Variants in PCDHGA5 observed in about 807,000 individuals in gnomAD.
PCDHGA5 encodes the protein protocadherin gamma-A5.
PCDHGA5 carries 36 observed loss-of-function variants against 56.7 expected under a neutral mutation model. The observed-to-expected ratio is 0.64, with a 90% CI of 0.49 to 0.84. The LOEUF (loss-of-function observed/expected upper bound fraction) is 0.84, where lower values mean the gene tolerates loss of function less well. Among genes scored for constraint, PCDHGA5 ranks in the 40% least tolerant of loss-of-function variants. The pLI, the probability that PCDHGA5 is intolerant of heterozygous loss-of-function variation, is 0.00. For synonymous variants in PCDHGA5, 563 were observed against 520.2 expected, an observed-to-expected ratio of 1.08 and a Z score of -1.12; for missense variants, 1,305 against 1,201.5, an observed-to-expected ratio of 1.09 and a Z score of -1.27.
rs1417059875 is a variant in PCDHGA5 at position 141,496,499 on chromosome 5, G to C, written c.2480+1634G>C. 2.6e-5 allele frequency among the ~76,000 whole-genome samples: 4 copies of C among 152,102 alleles called. No individual in the cohort carries two copies. In the East Asian group the frequency reaches 7.7e-4, roughly 29 times the overall value. On this transcript the variant is annotated intron_variant, in intron 2 of 3. Coordinates refer to ENST00000518069, the MANE Select transcript of PCDHGA5 (RefSeq NM_018918.3). ...TCCTGCAACCAACCAAACCCTTGTT[G>C]CCACAAGGACCCAGGAGCCCTTGGT...
chr5:141,401,830 T>C (rs950842785), intron 1 of PCDHGA5, among the ~76,000 whole-genome samples: 4 of 152,216 alleles, frequency 2.6e-5, no homozygotes, highest in Admixed American at 1.3e-4. Context: ...TGCTGAGATT[T>C]CTTATAATAC....
At chr5:141,403,099 C>G in intron 1 of PCDHGA5, 5 of 1,614,056 alleles carry the variant, frequency 3.1e-6, no homozygotes, top group Non-Finnish European at 4.2e-6. Context: ...GCAACATCTC[C>G]AAGGACCTGG....
Position 141,375,159 on chromosome 5 carries a change from G to A in PCDHGA5, c.2421+8408G>A, listed in dbSNP as rs1771191060. 2.5e-6 allele frequency: 4 copies of A among 1,613,862 alleles called. No individual in the cohort carries two copies. The East Asian group carries it at 8.9e-5, about 36-fold the overall frequency. ...TCTGGAAGCAGAACAATTGCTGAAA[G>A]TGCACCTCCAGGAACAGTAATCGCC... On this transcript the variant is annotated intron_variant, in intron 1 of 3. Coordinates refer to ENST00000518069, the MANE Select transcript of PCDHGA5 (RefSeq NM_018918.3).
At chr5:141,492,512 T>A (rs2099741406) in intron 1 of PCDHGA5, among the ~76,000 whole-genome samples, 1 of 152,116 alleles carries the variant, frequency 6.6e-6, no homozygotes, top group Admixed American at 6.5e-5. Flanking sequence ...GAGCCTCCTC[T>A]CACCTCTCCC....
At chr5:141,390,146 T>C (rs2092063198) in intron 1 of PCDHGA5, 1 of 1,614,026 alleles carries the variant, frequency 6.2e-7, no homozygotes, top group Non-Finnish European at 8.5e-7. Context: ...ATCTATGTGT[T>C]GCACATACAG....
rs1764486391 is a variant in PCDHGA5 at position 141,366,313 on chromosome 5, C to T, written c.1983C>T (p.Thr661=). Residue 661 remains threonine, a synonymous_variant, in exon 1 of 4, where the codon ACC becomes ACT. Coordinates refer to ENST00000518069, the MANE Select transcript of PCDHGA5 (RefSeq NM_018918.3). ...CTCTGTCAGCCACCTTCACGGTCACCGTTGCCGTGGCCGACAGGATCCCTG... is the reference window on the plus strand; with the variant it reads ...CTCTGTCAGCCACCTTCACGGTCACTGTTGCCGTGGCCGACAGGATCCCTG... ...QPPLSATFTV[T]VAVADRIPDI... is the part of the protein sequence containing the mutation. The T allele has an allele frequency of 6.2e-7, 1 of 1,613,760 alleles. No homozygotes were observed. The highest frequency in any genetic ancestry group is 8.5e-7 in the Non-Finnish European group (1 of 1,179,968).
intron 1 of PCDHGA5, chr5:141,400,747 G>A: frequency 1.7e-6 from 1 of 602,780 alleles, no homozygotes; most frequent in Non-Finnish European, 2.9e-6. Flanking sequence ...TTTGCTCTTA[G>A]CTTCCTCTCT....
chr5:141,477,193 C>G lies in PCDHGA5; in HGVS notation c.2422-17614C>G. The G allele has an allele frequency of 6.2e-7, 1 of 1,614,176 alleles. No homozygotes were observed. Among genetic ancestry groups the G allele is most frequent in the Non-Finnish European group, 8.5e-7 (1 of 1,180,036 alleles). On this transcript the variant is annotated intron_variant, in intron 1 of 3. Transcript: ENST00000518069. This position sits in a 1 kb window ranked among gnomAD's most constrained non-coding sequence, Gnocchi z 4.9. ...AGATCACAGTCACCTCCGTGTACAG[C>G]CCAGTACCCGAGGATGCCCCTCTGG...
At chr5:141,449,266 G>T (rs1398403120) in intron 1 of PCDHGA5, among the ~76,000 whole-genome samples, 1 of 152,042 alleles carries the variant, frequency 6.6e-6, no homozygotes, top group Non-Finnish European at 1.5e-5. Context: ...ACAAAGAACT[G>T]TATCTCCTTC....
chr5:141,375,826 C>T (rs1771941269), intron 1 of PCDHGA5: 2 of 1,614,166 alleles, frequency 1.2e-6, no homozygotes, highest in South Asian at 1.1e-5. Context: ...CGCCCCGCTC[C>T]GCAGAGCCCG....
At chr5:141,492,755 C>T (rs938918009) in intron 1 of PCDHGA5, among the ~76,000 whole-genome samples, 3 of 152,262 alleles carry the variant, frequency 2.0e-5, no homozygotes, top group African/African-American at 7.2e-5. Flanking sequence ...CGCGGCAGGG[C>T]TCCGCGTTGG....
intron 1 of PCDHGA5, chr5:141,441,743 C>T (rs1298220876): frequency 1.4e-5 from 5 of 367,166 alleles, no homozygotes; most frequent in Non-Finnish European, 2.2e-5. Context: ...AGCTCGCGCT[C>T]GGCGTCAACG....
chr5:141,387,473 G>T (rs1032850562), intron 1 of PCDHGA5, among the ~76,000 whole-genome samples: 4 of 152,190 alleles, frequency 2.6e-5, no homozygotes, highest in Non-Finnish European at 4.4e-5. Context: ...CCTCAAAGTT[G>T]GGATGAAGGC....
intron 1 of PCDHGA5, chr5:141,410,350 A>G (rs2154543015): frequency 1.2e-6 from 2 of 1,613,912 alleles, no homozygotes; most frequent in South Asian, 1.1e-5. Context: ...TGCGCCTGCG[A>G]CGCTCTCTCA....
At chr5:141,413,389 T>C (rs370906684) in intron 1 of PCDHGA5, 1 of 1,613,986 alleles carries the variant, frequency 6.2e-7, no homozygotes, top group South Asian at 1.1e-5. Context: ...CCGCATAGTC[T>C]CCAGAGGTAG....
At chr5:141,478,506 ATAGGCAGGTGTTGGG>A in intron 1 of PCDHGA5, 1 of 1,612,314 alleles carries the variant, frequency 6.2e-7, no homozygotes, top group Non-Finnish European at 8.5e-7. Context: ...CCGGTGTTCT[ATAGGCAGGTGTTGGG>A]TGCAGAGAGC....
intron 1 of PCDHGA5, chr5:141,404,600 C>G (rs1406207982): frequency 6.2e-7 from 1 of 1,613,938 alleles, no homozygotes; most frequent in Non-Finnish European, 8.5e-7. Flanking sequence ...GTCATTGAGA[C>G]TGTTTGTTTT....
intron 1 of PCDHGA5, chr5:141,410,184 A>G: frequency 6.2e-7 from 1 of 1,613,918 alleles, no homozygotes; most frequent in Non-Finnish European, 8.5e-7. Flanking sequence ...GCCACGCTTC[A>G]TCTGGTCTTC....
chr5:141,394,145 C>A, intron 1 of PCDHGA5: 1 of 1,613,962 alleles, frequency 6.2e-7, no homozygotes, highest in Non-Finnish European at 8.5e-7. Flanking sequence ...ACGTGGCAGA[C>A]ATTAACGACA....
Sources: gnomAD v4.1 joint callset for allele counts (sites outside exome capture counted in the v4.1 genomes callset) on GRCh38, gnomAD v4.1.1 for gene constraint, Gnocchi (gnomAD v3.1) non-coding constraint, MANE v1.5 for transcripts, NCBI Gene and HGNC (gene_info 2026-07-23, HGNC 2026-07-21) for gene names.